Variants in NRXN3 observed in about 807,000 individuals in gnomAD.
NRXN3 encodes the protein neurexin III.
In NRXN3, 32 loss-of-function variants were observed where a neutral mutation model predicts 137.6. The observed-to-expected ratio is 0.23, with a 90% CI of 0.18 to 0.31. NRXN3 has a LOEUF of 0.31. Among genes scored for constraint, NRXN3 ranks in the 10% least tolerant of loss-of-function variants. The probability of loss-of-function intolerance (pLI) is 1.00; values close to 1 mark genes in which losing one functional copy is unlikely to be tolerated. For missense variants in NRXN3, 1,574 were observed against 2,062.5 expected (o/e 0.76, Z 4.59); for synonymous variants, 798 against 784.5 (o/e 1.02, Z -0.29).
At chr14:78,932,955 G>C (rs1326139923) in intron 10 of NRXN3, among the ~76,000 whole-genome samples, 1 of 152,132 alleles carries the variant, frequency 6.6e-6, no homozygotes, top group Non-Finnish European at 1.5e-5. Context: ...ACACTGTAGG[G>C]ATCAAAACCT....
chr14:79,489,931 C>T (rs187537720), intron 16 of NRXN3, among the ~76,000 whole-genome samples: 3,857 of 147,628 alleles, frequency 0.026, 184 homozygotes, highest in African/African-American at 0.092. Flanking sequence ...CCCAGCTACT[C>T]GGGAGGCTGA....
At chr14:79,766,716 C>T (rs1462782074) in intron 19 of NRXN3, among the ~76,000 whole-genome samples, 3 of 152,148 alleles carry the variant, frequency 2.0e-5, no homozygotes, top group South Asian at 2.1e-4. Flanking sequence ...TTTGTGCTGG[C>T]GTCAAACATT....
At chr14:79,143,389 A>G (rs967457175) in intron 15 of NRXN3, among the ~76,000 whole-genome samples, 1 of 152,210 alleles carries the variant, frequency 6.6e-6, no homozygotes, top group East Asian at 1.9e-4. Context: ...AAAGAAAGTC[A>G]GTGAAAAGGA....
At chr14:79,172,453 C>T (rs1277547812) in intron 15 of NRXN3, among the ~76,000 whole-genome samples, 3 of 151,938 alleles carry the variant, frequency 2.0e-5, no homozygotes, top group Middle Eastern at 3.4e-3. Flanking sequence ...ATGGAAGGTA[C>T]GAAGGAGGGT....
chr14:78,202,704 G>A (rs767558962), intron 1 of NRXN3, among the ~76,000 whole-genome samples: 5 of 152,206 alleles, frequency 3.3e-5, no homozygotes, highest in Admixed American at 6.5e-5. Context: ...TGGTTGCTGT[G>A]GGTGGGGACA....
intron 16 of NRXN3, among the ~76,000 whole-genome samples, chr14:79,543,170 G>T (rs1347058818): frequency 1.3e-5 from 2 of 152,184 alleles, no homozygotes; most frequent in Non-Finnish European, 2.9e-5. Context: ...ACACATGCCA[G>T]TTGTCATCTT....
Position 78,709,488 on chromosome 14 carries a change from G to C in NRXN3, c.1493G>C (p.Arg498Pro). 3 of 1,614,062 alleles carry C rather than the reference G, an allele frequency of 1.9e-6. No homozygotes were observed. Among genetic ancestry groups the C allele is most frequent in the Non-Finnish European group, 2.5e-6 (3 of 1,180,016 alleles). Residue 498 changes from arginine (R) to proline (P), a missense_variant, in exon 7 of 21, where the codon CGG (arginine) becomes CCG (proline). Physicochemically the swap from Arg to Pro is moderately radical, Grantham distance 103 (BLOSUM62 -2). Coordinates refer to ENST00000335750, the MANE Select transcript of NRXN3 (RefSeq NM_001330195.2). Reference protein sequence around the residue: ...HGKPQERKDARSQKNTKVDFF... With the variant: ...HGKPQERKDAPSQKNTKVDFF... Reference sequence around the variant, plus strand: ...AAGCCCCAAGAGAGGAAGGATGCTCGGAGCCAGAAGAATACAAAAGTAGAC... The same window carrying C: ...AAGCCCCAAGAGAGGAAGGATGCTCCGAGCCAGAAGAATACAAAAGTAGAC...
intron 4 of NRXN3, among the ~76,000 whole-genome samples, chr14:78,301,154 T>TG (rs11399821): frequency 0.69 from 104,250 of 151,346 alleles, 36,636 homozygotes; most frequent in East Asian, 0.83. Flanking sequence ...AATGTGGAAT[T>TG]GGGGGGGATA....
intron 4 of NRXN3, among the ~76,000 whole-genome samples, chr14:78,346,993 T>C (rs1396606231): frequency 6.6e-6 from 1 of 152,180 alleles, no homozygotes; most frequent in East Asian, 1.9e-4. Context: ...TGAGTAGTAA[T>C]GTGATAGAGG....
intron 8 of NRXN3, among the ~76,000 whole-genome samples, chr14:78,800,675 A>G (rs2098835999): frequency 1.3e-5 from 2 of 152,250 alleles, no homozygotes; most frequent in Admixed American, 1.3e-4. Context: ...ATTACTTTTC[A>G]TCTTTTGTGT....
At chr14:78,653,039 C>A (rs879649241) in intron 6 of NRXN3, among the ~76,000 whole-genome samples, 1 of 152,022 alleles carries the variant, frequency 6.6e-6, no homozygotes, top group South Asian at 2.1e-4. Flanking sequence ...AAATCATGTG[C>A]GAATTGAGAG....
chr14:78,846,334 AGCTGTGT>A (rs1428347485), intron 10 of NRXN3, among the ~76,000 whole-genome samples: 1 of 152,096 alleles, frequency 6.6e-6, no homozygotes, highest in African/African-American at 2.4e-5. Flanking sequence ...GGATTCTGAA[AGCTGTGT>A]TTTCTTTTAT....
chr14:78,350,570 A>G (rs1347735386), intron 4 of NRXN3, among the ~76,000 whole-genome samples: 1 of 152,176 alleles, frequency 6.6e-6, no homozygotes, highest in African/African-American at 2.4e-5. Context: ...TCTACCATGC[A>G]AAGAAGCTAG....
intron 8 of NRXN3, 142 bp downstream of exon 8, chr14:78,715,281 C>T (rs1360560317): frequency 4.7e-6 from 5 of 1,062,890 alleles, no homozygotes; most frequent in East Asian, 2.6e-5. Context: ...TTCCAGATTG[C>T]ACCCTTTCTA....
At chr14:78,232,937 G>A (rs1376503886) in intron 1 of NRXN3, among the ~76,000 whole-genome samples, 5 of 152,292 alleles carry the variant, frequency 3.3e-5, no homozygotes, top group South Asian at 4.1e-4. Flanking sequence ...GAGGTTGCTC[G>A]GGAGCCTGTT....
chr14:79,802,371 T>C (rs976631797), intron 19 of NRXN3, among the ~76,000 whole-genome samples: 20 of 152,140 alleles, frequency 1.3e-4, no homozygotes, highest in African/African-American at 4.8e-4. Context: ...ATTCTCAGCC[T>C]CTTTATTACC....
At chr14:78,493,569 G>C (rs1052154465) in intron 4 of NRXN3, among the ~76,000 whole-genome samples, 5 of 144,598 alleles carry the variant, frequency 3.5e-5, no homozygotes, top group Non-Finnish European at 3.1e-5. Context: ...TAAATAAAAA[G>C]AATTAGCCAG....
intron 16 of NRXN3, among the ~76,000 whole-genome samples, chr14:79,531,646 T>A (rs1447478356): frequency 6.6e-6 from 1 of 152,182 alleles, no homozygotes; most frequent in African/African-American, 2.4e-5. Context: ...TAAGATAGTG[T>A]ATGTCTAGGT....
intron 4 of NRXN3, among the ~76,000 whole-genome samples, chr14:78,348,519 G>A (rs1051246311): frequency 3.9e-5 from 6 of 152,170 alleles, no homozygotes; most frequent in Non-Finnish European, 7.3e-5. Flanking sequence ...CAGGAAGCAT[G>A]GGAGAAACTA....
Sources: allele counts gnomAD v4.1 joint callset (sites outside exome capture counted in the v4.1 genomes callset), GRCh38; gene constraint gnomAD v4.1.1; transcripts MANE v1.5; gene names NCBI Gene and HGNC (gene_info 2026-07-23, HGNC 2026-07-21).